Variants in PLCB1 observed in about 807,000 individuals in gnomAD.
The protein encoded by PLCB1 is phospholipase C beta 1.
Under a neutral mutation model 161.8 loss-of-function variants are expected in PLCB1, and 46 were observed. The observed-to-expected ratio is 0.28, with a 90% CI of 0.22 to 0.36. The LOEUF (loss-of-function observed/expected upper bound fraction) is 0.36. PLCB1 is among the 10% of genes least tolerant of loss of function. The probability of loss-of-function intolerance (pLI) is 1.00; values close to 1 mark genes in which losing one functional copy is unlikely to be tolerated. For missense variants in PLCB1, 1,016 were observed against 1,472.5 expected, an observed-to-expected ratio of 0.69 and a Z score of 5.07; for synonymous variants, 517 against 503.7, an observed-to-expected ratio of 1.03 and a Z score of -0.35.
chr20:8,633,218 A>T lies in PLCB1; in HGVS notation c.384+4787A>T, dbSNP rs191922349. On this transcript the variant is annotated intron_variant, in intron 4 of 31. Transcript: ENST00000338037. ...TTGCATGTGAAAGAAAGATGCATGGAATCAAAGACGATGTTAAAGTTCTGG... is the reference window on the plus strand; with the variant it reads ...TTGCATGTGAAAGAAAGATGCATGGTATCAAAGACGATGTTAAAGTTCTGG... Among the ~76,000 whole-genome samples, 208 of 152,286 alleles carry T rather than the reference A, an allele frequency of 1.4e-3. 1 individual carries two copies. The highest frequency in any genetic ancestry group is 2.3e-3 in the Non-Finnish European group (155 of 68,014).
At chr20:8,665,376 G>A (rs569031839) in intron 9 of PLCB1, among the ~76,000 whole-genome samples, 1 of 152,146 alleles carries the variant, frequency 6.6e-6, no homozygotes, top group Non-Finnish European at 1.5e-5. Context: ...AGTGATCATT[G>A]GCATTTATGC....
intron 26 of PLCB1, among the ~76,000 whole-genome samples, chr20:8,773,981 A>G (rs1008161313): frequency 2.6e-5 from 4 of 152,152 alleles, no homozygotes; most frequent in Non-Finnish European, 5.9e-5. Flanking sequence ...CTCAACAACA[A>G]CAATAAAATT....
chr20:8,831,918 CTTTCTT>C (rs1986011462), intron 31 of PLCB1, among the ~76,000 whole-genome samples: 1 of 24,362 alleles, frequency 4.1e-5, no homozygotes, highest in African/African-American at 1.2e-4. Flanking sequence ...CTTTCTCTTT[CTTTCTT>C]TCTTTCTTTC....
intron 31 of PLCB1, among the ~76,000 whole-genome samples, chr20:8,850,649 A>G (rs1986855104): frequency 6.6e-6 from 1 of 152,130 alleles, no homozygotes; most frequent in South Asian, 2.1e-4. Flanking sequence ...CCCTTATAAA[A>G]GGGCTTGAGG....
chr20:8,467,611 A>G (rs1981875419), intron 3 of PLCB1, among the ~76,000 whole-genome samples: 1 of 152,172 alleles, frequency 6.6e-6, no homozygotes, highest in Non-Finnish European at 1.5e-5. Context: ...GACAGTAGGT[A>G]TACAGTGTTA....
At chr20:8,550,014 G>A (rs1221246476) in intron 3 of PLCB1, among the ~76,000 whole-genome samples, 3 of 152,118 alleles carry the variant, frequency 2.0e-5, no homozygotes, top group South Asian at 2.1e-4. Flanking sequence ...GGGGCCTGTA[G>A]CCCCTTCATT....
intron 3 of PLCB1, among the ~76,000 whole-genome samples, chr20:8,525,166 A>G (rs1311854511): frequency 6.6e-6 from 1 of 151,390 alleles, no homozygotes; most frequent in Non-Finnish European, 1.5e-5. Context: ...GGGAAAAAAA[A>G]AGTAATTTTT....
chr20:8,166,701 A>G (rs945108693), intron 2 of PLCB1, among the ~76,000 whole-genome samples: 2 of 152,082 alleles, frequency 1.3e-5, no homozygotes, highest in Non-Finnish European at 2.9e-5. Flanking sequence ...ACAGTCCTGA[A>G]CCCTGAAAGT....
intron 6 of PLCB1, 38 bp downstream of exon 6, chr20:8,647,991 T>C: frequency 7.0e-7 from 1 of 1,429,546 alleles, no homozygotes; most frequent in Non-Finnish European, 9.5e-7. Flanking sequence ...TCATTTTATT[T>C]TCCTCAAAGA....
At chr20:8,554,316 C>T (rs191181079) in intron 3 of PLCB1, among the ~76,000 whole-genome samples, 1 of 152,188 alleles carries the variant, frequency 6.6e-6, no homozygotes, top group East Asian at 1.9e-4. Flanking sequence ...ATGCTTATAG[C>T]CCCTTTATTC....
At chr20:8,873,593 C>G (rs552883430) in intron 31 of PLCB1, among the ~76,000 whole-genome samples, 1 of 152,002 alleles carries the variant, frequency 6.6e-6, no homozygotes, top group East Asian at 1.9e-4. Flanking sequence ...TAAAGATACT[C>G]ATAATTCTAA....
chr20:8,161,936 T>C (rs2051629309), intron 2 of PLCB1, among the ~76,000 whole-genome samples: 1 of 152,264 alleles, frequency 6.6e-6, no homozygotes, highest in African/African-American at 2.4e-5. Flanking sequence ...TGGCCTACTT[T>C]CTACTCAGAA....
At chr20:8,464,950 T>C (rs1191813086) in intron 3 of PLCB1, among the ~76,000 whole-genome samples, 1 of 152,168 alleles carries the variant, frequency 6.6e-6, no homozygotes, top group Non-Finnish European at 1.5e-5. Context: ...TTTTAATTCC[T>C]AGATATTCTT....
intron 23 of PLCB1, 122 bp downstream of exon 23, chr20:8,741,695 C>A: frequency 1.6e-6 from 1 of 637,298 alleles, no homozygotes; most frequent in Non-Finnish European, 2.9e-6. Flanking sequence ...ACAACACTTT[C>A]ATGCAGTTTA....
intron 3 of PLCB1, among the ~76,000 whole-genome samples, chr20:8,584,009 G>A (rs1227610202): frequency 6.6e-6 from 1 of 152,066 alleles, no homozygotes; most frequent in Non-Finnish European, 1.5e-5. Flanking sequence ...CAAAAATGAA[G>A]GACCTCAGAG....
intron 2 of PLCB1, among the ~76,000 whole-genome samples, chr20:8,202,329 G>A (rs572352540): frequency 5.6e-4 from 86 of 152,310 alleles, no homozygotes; most frequent in Admixed American, 5.2e-3. Flanking sequence ...GCTTACCTCC[G>A]CCTCCCAAAG....
Position 8,580,070 on chromosome 20 carries a change from G to T in PLCB1, c.247-48224G>T, listed in dbSNP as rs551094213. Among the ~76,000 whole-genome samples, 3 of 152,214 alleles carry T rather than the reference G, an allele frequency of 2.0e-5. No homozygotes were observed. The East Asian group carries it at 5.8e-4, about 29-fold the overall frequency. ...CCTGAGTATGACAGCCTAATGAGAAGGTGGTGGGTATGTGGGCTCTGGATT... is the reference window on the plus strand; with the variant it reads ...CCTGAGTATGACAGCCTAATGAGAATGTGGTGGGTATGTGGGCTCTGGATT... On this transcript the variant is annotated intron_variant, in intron 3 of 31. Transcript: ENST00000338037.
At chr20:8,510,447 G>A (rs1420085535) in intron 3 of PLCB1, among the ~76,000 whole-genome samples, 2 of 146,960 alleles carry the variant, frequency 1.4e-5, no homozygotes, top group South Asian at 2.1e-4. Context: ...GTGCAGTGGC[G>A]CGATCTTGGC....
intron 11 of PLCB1, among the ~76,000 whole-genome samples, chr20:8,699,841 C>A (rs1440999139): frequency 6.6e-6 from 1 of 152,188 alleles, no homozygotes; most frequent in East Asian, 1.9e-4. Flanking sequence ...AAATAGCACC[C>A]TTCACTTAAA....
Sources: gnomAD v4.1 joint callset for allele counts (sites outside exome capture counted in the v4.1 genomes callset) on GRCh38, gnomAD v4.1.1 for gene constraint, MANE v1.5 for transcripts, NCBI Gene and HGNC (gene_info 2026-07-23, HGNC 2026-07-21) for gene names.